DMD: variants seen among roughly 807,000 people sequenced by gnomAD.
The protein encoded by DMD is dystrophin.
A neutral mutation model predicts 330.1 loss-of-function variants in DMD; 63 were observed. The ratio of observed to expected loss-of-function variants is 0.19; its 90% CI spans 0.16 to 0.24. The LOEUF is 0.24. DMD is among the 10% of genes least tolerant of loss of function. The pLI is 1.00. For synonymous variants in DMD, 1,223 were observed against 959.8 expected, an observed-to-expected ratio of 1.27 and a Z score of -5.07; for missense variants, 3,344 against 2,684.1, an observed-to-expected ratio of 1.25 and a Z score of -5.43.
intron 4 of DMD, among the ~76,000 whole-genome samples, chrX:32,835,966 C>A (rs1475426889): frequency 1.8e-5 from 2 of 110,157 alleles, no homozygotes; most frequent in Non-Finnish European, 3.8e-5. Flanking sequence ...GGAGGCTGTT[C>A]ATATGATTTT....
intron 16 of DMD, among the ~76,000 whole-genome samples, chrX:32,557,723 A>C (rs780857375): frequency 9.0e-6 from 1 of 111,607 alleles, no homozygotes; most frequent in African/African-American, 3.2e-5. Context: ...GAAAATATTT[A>C]TATGTTGAAC....
chrX:32,479,543 C>A (rs1391754600), intron 21 of DMD, among the ~76,000 whole-genome samples: 3 of 109,933 alleles, frequency 2.7e-5, no homozygotes, highest in Non-Finnish European at 5.7e-5. Flanking sequence ...ATTTGTCTTT[C>A]TTTGCCTGGC....
chrX:31,579,375 G>T (rs1365401344), intron 55 of DMD, among the ~76,000 whole-genome samples: 2 of 112,308 alleles, frequency 1.8e-5, no homozygotes, highest in Non-Finnish European at 3.8e-5. Flanking sequence ...TGAATAATTT[G>T]TCTTTCTCTT....
chrX:32,133,709 C>T (rs2096710901), intron 44 of DMD, among the ~76,000 whole-genome samples: 1 of 111,453 alleles, frequency 9.0e-6, no homozygotes, highest in South Asian at 3.8e-4. Flanking sequence ...TCCAATTCAT[C>T]CAGAAATCCT....
intron 2 of DMD, among the ~76,000 whole-genome samples, chrX:32,934,882 T>C (rs758725032): frequency 1.8e-5 from 2 of 112,899 alleles, no homozygotes; most frequent in East Asian, 5.6e-4. Context: ...GTTTTTTCGA[T>C]TTATCACACA....
intron 9 of DMD, among the ~76,000 whole-genome samples, chrX:32,646,201 G>GA (rs2059774826): frequency 9.0e-6 from 1 of 111,600 alleles, no homozygotes; most frequent in African/African-American, 3.3e-5. Context: ...CAAGTGACAG[G>GA]AGAGGCTTCT....
intron 44 of DMD, among the ~76,000 whole-genome samples, chrX:32,167,947 T>G (rs879178218): frequency 8.9e-6 from 1 of 112,408 alleles, no homozygotes; most frequent in Non-Finnish European, 1.9e-5. Context: ...AATATTTAGT[T>G]TTAAAATGTG....
chrX:31,137,133 C>T (rs1044881632), intron 76 of DMD, among the ~76,000 whole-genome samples: 1 of 111,435 alleles, frequency 9.0e-6, no homozygotes, highest in African/African-American at 3.3e-5. Context: ...ATTCTCCTGC[C>T]TCAGCCTCCT....
chrX:32,149,089 C>A, intron 44 of DMD, among the ~76,000 whole-genome samples: 1 of 111,795 alleles, frequency 8.9e-6, no homozygotes, highest in East Asian at 2.8e-4. Context: ...AAAAAGGCAG[C>A]TATGACTGAA....
At chrX:32,320,745 GTTTC>G (rs1464489013) in intron 41 of DMD, among the ~76,000 whole-genome samples, 2 of 111,535 alleles carry the variant, frequency 1.8e-5, no homozygotes, top group Non-Finnish European at 3.8e-5. Context: ...AGAAAGATTT[GTTTC>G]TTTTTCAAAT....
chrX:32,362,546 T>A (rs1388670587), intron 37 of DMD, among the ~76,000 whole-genome samples: 1 of 111,230 alleles, frequency 9.0e-6, no homozygotes, highest in African/African-American at 3.3e-5. Context: ...TCCTAGAATA[T>A]CTATGGCAGC....
chrX:31,339,049 G>A (rs1382464155), intron 61 of DMD, among the ~76,000 whole-genome samples: 1 of 110,146 alleles, frequency 9.1e-6, no homozygotes, highest in Non-Finnish European at 1.9e-5. Context: ...CCAAAGGTAG[G>A]CTTAATAACT....
intron 44 of DMD, among the ~76,000 whole-genome samples, chrX:32,130,376 T>A (rs1193151488): frequency 1.8e-5 from 2 of 110,968 alleles, no homozygotes; most frequent in Non-Finnish European, 1.9e-5. Context: ...TATTTTCTAT[T>A]GACACTGAGT....
chrX:31,593,163 T>C (rs2076956324), intron 55 of DMD, among the ~76,000 whole-genome samples: 1 of 111,464 alleles, frequency 9.0e-6, no homozygotes, highest in South Asian at 3.7e-4. Context: ...AAACCGCATA[T>C]AGAAAATCTA....
chrX:32,200,469 G>A (rs751041140), intron 44 of DMD, among the ~76,000 whole-genome samples: 61 of 107,149 alleles, frequency 5.7e-4, no homozygotes, highest in African/African-American at 4.4e-4. Context: ...CATATGTAAC[G>A]TGTTATATAT....
chrX:32,348,511 C>A lies in DMD; in HGVS notation c.5343G>T (p.Lys1781Asn). Reference sequence around the variant, plus strand: ...TATCTGAGTTAAACTGCTCCAATTCCTTCAAAGGAATGGAGGCCTAAAAAA... The same window carrying A: ...TATCTGAGTTAAACTGCTCCAATTCATTCAAAGGAATGGAGGCCTAAAAAA... ...IKTGKASIPL[K>N]ELEQFNSDIQ... is the part of the protein sequence containing the mutation. The change falls in exon 38 of 79, where the codon AAG (lysine) becomes AAT (asparagine). Residue 1781 changes from lysine to asparagine, a missense_variant. Coordinates refer to ENST00000357033, the MANE Select transcript of DMD (RefSeq NM_004006.3). The A allele has an allele frequency of 8.3e-7, 1 of 1,205,822 alleles. No individual in the cohort carries two copies. The highest frequency in any genetic ancestry group is 3.0e-5 in the East Asian group (1 of 33,647).
chrX:31,916,157 G>A (rs1401475210), intron 47 of DMD, among the ~76,000 whole-genome samples: 1 of 111,756 alleles, frequency 8.9e-6, no homozygotes, highest in Admixed American at 9.5e-5. Flanking sequence ...TCCTAGCTGC[G>A]CTTATGCTAG....
intron 21 of DMD, among the ~76,000 whole-genome samples, chrX:32,482,967 G>C (rs188448305): frequency 9.3e-6 from 1 of 107,171 alleles, no homozygotes; most frequent in Non-Finnish European, 1.9e-5. Flanking sequence ...AGGCACTTCT[G>C]TTAGCTCTTA....
rs189130137 is a variant in DMD at position 32,249,015 on chromosome X, A to G, written c.6291-31952T>C. ...TTAACAAAGGATGAATCTTTTATAT[A>G]TAATGATATATATTCGTGAAGTGAA... On this transcript the variant is annotated intron_variant, in intron 43 of 78. Coordinates refer to ENST00000357033, the MANE Select transcript of DMD (RefSeq NM_004006.3). 6.3e-5 allele frequency among the ~76,000 whole-genome samples: 7 copies of G among 111,035 alleles called. No homozygotes were observed. In the East Asian group the frequency reaches 2.0e-3, roughly 31 times the overall value.
Sources: gnomAD v4.1 joint callset for allele counts (sites outside exome capture counted in the v4.1 genomes callset) on GRCh38, gnomAD v4.1.1 for gene constraint, MANE v1.5 for transcripts, NCBI Gene and HGNC (gene_info 2026-07-23, HGNC 2026-07-21) for gene names.